LPP: variants seen among roughly 807,000 people sequenced by gnomAD.
The protein encoded by LPP is lipoma-preferred partner.
In LPP, 38 loss-of-function variants were observed where a neutral mutation model predicts 60.4. That is an observed-to-expected ratio of 0.63 (90% confidence interval 0.49 to 0.83). LPP has a LOEUF of 0.83. Among genes scored for constraint, LPP ranks in the 40% least tolerant of loss-of-function variants. The pLI, the probability that LPP is intolerant of heterozygous loss-of-function variation, is 0.00. For missense variants in LPP, 902 were observed against 783.6 expected (o/e 1.15, Z -1.80); for synonymous variants, 328 against 290.8 (o/e 1.13, Z -1.30).
intron 1 of LPP, among the ~76,000 whole-genome samples, chr3:188,188,584 T>C (rs1283727077): frequency 6.6e-6 from 1 of 152,050 alleles, no homozygotes; most frequent in African/African-American, 2.4e-5. Context: ...AAAAACCAGA[T>C]TCATTCTTAA....
At chr3:188,386,853 A>T (rs1372987256) in intron 3 of LPP, among the ~76,000 whole-genome samples, 1 of 152,202 alleles carries the variant, frequency 6.6e-6, no homozygotes, top group Non-Finnish European at 1.5e-5. Context: ...AATAGAGAGT[A>T]ATTAAATATT....
intron 2 of LPP, among the ~76,000 whole-genome samples, chr3:188,336,999 G>A (rs1446447964): frequency 1.3e-5 from 2 of 152,136 alleles, no homozygotes; most frequent in East Asian, 1.9e-4. Flanking sequence ...GTGCGTGACC[G>A]CTCTGAGTGG....
intron 7 of LPP, among the ~76,000 whole-genome samples, chr3:188,629,248 A>T (rs944800960): frequency 2.0e-5 from 3 of 151,386 alleles, no homozygotes; most frequent in Admixed American, 2.0e-4. Context: ...TGGAAATTCT[A>T]GAGCTCCAAA....
intron 2 of LPP, chr3:188,239,735 A>G: frequency 4.6e-6 from 1 of 217,870 alleles, no homozygotes; most frequent in East Asian, 6.8e-5. Context: ...AAACAAATAA[A>G]CAAGCACAAA....
intron 7 of LPP, 125 bp from the exon 8 acceptor site, chr3:188,708,142 C>G: frequency 2.0e-6 from 2 of 1,015,166 alleles, no homozygotes; most frequent in Non-Finnish European, 2.9e-6. Flanking sequence ...TTCTAAAACC[C>G]AGGTCTCCTG....
chr3:188,339,826 C>T (rs919711026), intron 2 of LPP, among the ~76,000 whole-genome samples: 5 of 152,172 alleles, frequency 3.3e-5, no homozygotes, highest in South Asian at 2.1e-4. Context: ...GCTTGTGCTT[C>T]GACACTTTGC....
chr3:188,734,994 T>A (rs1224658726), intron 8 of LPP, among the ~76,000 whole-genome samples: 1 of 152,212 alleles, frequency 6.6e-6, no homozygotes, highest in African/African-American at 2.4e-5. Context: ...TATGTGCAGA[T>A]GTGGTTCACA....
intron 1 of LPP, among the ~76,000 whole-genome samples, chr3:188,167,083 G>A (rs186765266): frequency 1.7e-4 from 26 of 152,306 alleles, no homozygotes; most frequent in African/African-American, 5.3e-4. Context: ...CCATATAATC[G>A]TGTACTGGTT....
At chr3:188,760,005 G>A in intron 8 of LPP, 108 bp from the exon 9 acceptor site, 1 of 865,436 alleles carries the variant, frequency 1.2e-6, no homozygotes, top group Non-Finnish European at 1.9e-6. Context: ...CGGCAGGAGT[G>A]GTGGTTCTAT....
At chr3:188,803,130 C>T (rs998787435) in intron 9 of LPP, among the ~76,000 whole-genome samples, 5 of 150,844 alleles carry the variant, frequency 3.3e-5, no homozygotes, top group Non-Finnish European at 7.4e-5. Flanking sequence ...TTCCAACCTC[C>T]GCCTCCAGGG....
intron 9 of LPP, among the ~76,000 whole-genome samples, chr3:188,821,092 T>G (rs1378197707): frequency 6.6e-6 from 1 of 151,898 alleles, no homozygotes; most frequent in Non-Finnish European, 1.5e-5. Flanking sequence ...GATACAGTTC[T>G]CTCTTCCATT....
rs532948985 is a variant in LPP, at chr3:188,592,588, A to G, written c.430-16573A>G. ...TAAATGGAGTCTCACTCTTTCTCCC[A>G]GGCTGGAGTGCAGTGGGGCTATCTT... is the stretch of plus-strand genomic sequence containing the variant. On this transcript the variant is annotated intron_variant, in intron 6 of 11. Transcript: ENST00000617246. Among the ~76,000 whole-genome samples the G allele has an allele frequency of 3.0e-4, 21 of 69,438 alleles. 1 individual carries two copies. The South Asian group carries it at 0.018, about 60-fold the overall frequency. 45.6% of individuals were successfully genotyped at this position (69,438 alleles called of 152,430 possible).
chr3:188,744,104 A>C (rs920410954), intron 8 of LPP, among the ~76,000 whole-genome samples: 1 of 152,168 alleles, frequency 6.6e-6, no homozygotes, highest in Non-Finnish European at 1.5e-5. Context: ...ACAAACATAC[A>C]CTTCCATATA....
intron 2 of LPP, among the ~76,000 whole-genome samples, chr3:188,307,035 G>C (rs569023343): frequency 1.3e-5 from 2 of 152,318 alleles, no homozygotes; most frequent in African/African-American, 4.8e-5. Flanking sequence ...TTAACTGGTA[G>C]AGATAACAGT....
At chr3:188,785,332 CAT>C (rs1406005153) in intron 9 of LPP, among the ~76,000 whole-genome samples, 1 of 6,958 alleles carries the variant, frequency 1.4e-4, no homozygotes, top group Admixed American at 2.0e-3. Context: ...TATATTCCAT[CAT>C]ATATATATAT....
intron 3 of LPP, among the ~76,000 whole-genome samples, chr3:188,382,558 G>C (rs1777182911): frequency 6.6e-6 from 1 of 152,134 alleles, no homozygotes; most frequent in African/African-American, 2.4e-5. Context: ...ATTTACATGT[G>C]TAATTATGAT....
chr3:188,408,541 T>G (rs970049402), intron 4 of LPP, among the ~76,000 whole-genome samples: 5 of 152,190 alleles, frequency 3.3e-5, no homozygotes, highest in Non-Finnish European at 5.9e-5. Flanking sequence ...TCTATTTGTA[T>G]CACTTTCTCC....
chr3:188,759,708 T>C (rs949454303), intron 8 of LPP, among the ~76,000 whole-genome samples: 1 of 151,918 alleles, frequency 6.6e-6, no homozygotes, highest in African/African-American at 2.4e-5. Flanking sequence ...ATGTGTAGAA[T>C]CTCCAAGAAG....
intron 9 of LPP, among the ~76,000 whole-genome samples, chr3:188,800,455 C>T (rs1398083397): frequency 4.0e-5 from 6 of 151,896 alleles, no homozygotes; most frequent in Non-Finnish European, 7.4e-5. Context: ...TCGTGTTAGC[C>T]AGGATGGTCT....
Sources: gnomAD v4.1 joint callset for allele counts (sites outside exome capture counted in the v4.1 genomes callset) on GRCh38, gnomAD v4.1.1 for gene constraint, MANE v1.5 for transcripts, NCBI Gene and HGNC (gene_info 2026-07-23, HGNC 2026-07-21) for gene names.